Variants in SLC2A9 observed in about 807,000 individuals in gnomAD.
SLC2A9 encodes solute carrier family 2 member 9.
Under a neutral mutation model 50.6 loss-of-function variants are expected in SLC2A9, and 39 were observed. The ratio of observed to expected loss-of-function variants is 0.77; its 90% CI spans 0.60 to 1.01. SLC2A9 has a LOEUF of 1.01. Ranked by LOEUF, SLC2A9 falls within the 50% of genes least tolerant of loss-of-function variation. The pLI is 0.00. For synonymous variants in SLC2A9, 324 were observed against 276.9 expected, an observed-to-expected ratio of 1.17 and a Z score of -1.69; for missense variants, 686 against 677.6, an observed-to-expected ratio of 1.01 and a Z score of -0.14.
intron 8 of SLC2A9, among the ~76,000 whole-genome samples, chr4:9,899,000 CT>C (rs1739105473): frequency 2.3e-5 from 2 of 86,242 alleles, no homozygotes; most frequent in Non-Finnish European, 5.7e-5. Flanking sequence ...CTCCCTCCCC[CT>C]CTCTCTCTCT....
At chr4:10,003,625 C>G (rs895153121) in intron 2 of SLC2A9, among the ~76,000 whole-genome samples, 3 of 152,122 alleles carry the variant, frequency 2.0e-5, no homozygotes, top group African/African-American at 7.2e-5. Context: ...CAGCAATAGC[C>G]CAGGTGAAAG....
intron 10 of SLC2A9, 141 bp from the exon 11 acceptor site, chr4:9,835,149 G>T: frequency 8.7e-7 from 1 of 1,156,056 alleles, no homozygotes; most frequent in Non-Finnish European, 1.3e-6. Flanking sequence ...TTCCTGAGTC[G>T]CCCTGGTGGC....
downstream of SLC2A9, among the ~76,000 whole-genome samples, chr4:9,824,471 T>C (rs532844679): frequency 1.3e-5 from 2 of 152,300 alleles, no homozygotes; most frequent in South Asian, 2.1e-4. Flanking sequence ...GTGTTCCCCA[T>C]TCTATTTCTG....
intron 5 of SLC2A9, among the ~76,000 whole-genome samples, chr4:9,971,235 AATTT>A (rs1363576875): frequency 6.6e-6 from 1 of 152,136 alleles, no homozygotes; most frequent in African/African-American, 2.4e-5. Context: ...TAATTAATTT[AATTT>A]ATTTAATTTA....
chr4:9,857,045 C>A (rs1378681473), intron 10 of SLC2A9, among the ~76,000 whole-genome samples: 1 of 152,108 alleles, frequency 6.6e-6, no homozygotes, highest in Non-Finnish European at 1.5e-5. Context: ...ATCTGTATAT[C>A]AAACTCCTGT....
Position 9,980,700 on chromosome 4 carries a change from C to T in SLC2A9, c.573G>A (p.Glu191=). The part of the protein sequence containing the change: ...ALSVLPMYLS[E]ISPKEIRGSL... ...AGCCACGGATCTCCTTGGGTGAGATCTCACTAAGGTACATGGGGAGCACAC... is the reference window on the plus strand; with the variant it reads ...AGCCACGGATCTCCTTGGGTGAGATTTCACTAAGGTACATGGGGAGCACAC... The change falls in exon 5 of 12, where the codon GAG becomes GAA. Residue 191 remains glutamate (E), a synonymous_variant. Coordinates refer to ENST00000264784, the MANE Select transcript of SLC2A9 (RefSeq NM_020041.3). 6.2e-7 allele frequency: 1 copy of T among 1,614,152 alleles called. No individual in the cohort carries two copies. The highest frequency in any genetic ancestry group is 8.5e-7 in the Non-Finnish European group (1 of 1,180,022).
chr4:9,787,226 C>T (rs541065939), intron 3 of SLC2A9, among the ~76,000 whole-genome samples: 8 of 152,326 alleles, frequency 5.3e-5, no homozygotes, highest in African/African-American at 1.4e-4. Flanking sequence ...ATCCATACAC[C>T]ATATTCATTG....
chr4:9,867,505 AATG>A (rs1732681451), intron 10 of SLC2A9, among the ~76,000 whole-genome samples: 1 of 152,226 alleles, frequency 6.6e-6, no homozygotes, highest in Admixed American at 6.5e-5. Context: ...TAATGATGAT[AATG>A]ATGAAGAAGA....
chr4:9,943,409 G>A (rs1748547520), intron 5 of SLC2A9, among the ~76,000 whole-genome samples: 1 of 152,222 alleles, frequency 6.6e-6, no homozygotes, highest in African/African-American at 2.4e-5. Flanking sequence ...GAACTGGCAA[G>A]GCCAATGTCA....
chr4:9,995,131 C>CA (rs1415505628), intron 3 of SLC2A9, among the ~76,000 whole-genome samples: 1 of 152,160 alleles, frequency 6.6e-6, no homozygotes, highest in Admixed American at 6.5e-5. Context: ...CAGATGCCCT[C>CA]ACCTCTCTAA....
intron 5 of SLC2A9, among the ~76,000 whole-genome samples, chr4:9,972,751 A>T (rs1306152422): frequency 6.6e-6 from 1 of 152,246 alleles, no homozygotes; most frequent in Non-Finnish European, 1.5e-5. Context: ...AAATAAGTGA[A>T]AACAGAGACA....
chr4:9,820,177 G>A (rs574426883), intron 3 of SLC2A9, among the ~76,000 whole-genome samples: 69 of 152,254 alleles, frequency 4.5e-4, no homozygotes, highest in Middle Eastern at 6.8e-3. Context: ...TAAGGAGTGA[G>A]ATATAGGTTG....
intron 3 of SLC2A9, chr4:9,782,528 T>C (rs1718589624): frequency 1.2e-6 from 2 of 1,613,878 alleles, no homozygotes; most frequent in Non-Finnish European, 1.7e-6. Context: ...GGCATGGACC[T>C]TGTCCATCCT....
intron 1 of SLC2A9, among the ~76,000 whole-genome samples, chr4:10,032,283 T>G (rs1244902290): frequency 6.6e-6 from 1 of 151,950 alleles, no homozygotes; most frequent in East Asian, 1.9e-4. Flanking sequence ...CATCTGTAGA[T>G]GTGGGGTTGT....
chr4:9,779,906 C>T (rs1718103575), exon 4 of SLC2A9: 1 of 152,182 alleles, frequency 6.6e-6, no homozygotes, highest in African/African-American at 2.4e-5. Context: ...GACATCATGA[C>T]TTGGTGTTCT....
chr4:10,034,445 T>G (rs1023319633), intron 1 of SLC2A9: 5 of 152,268 alleles, frequency 3.3e-5, no homozygotes, highest in Non-Finnish European at 7.3e-5. Flanking sequence ...AGGGTTTGCC[T>G]TGGGAGATGG....
chr4:9,839,848 T>A (rs1362065763), intron 10 of SLC2A9, among the ~76,000 whole-genome samples: 1 of 151,936 alleles, frequency 6.6e-6, no homozygotes. Context: ...ACAGAGAGGA[T>A]CAGGAAAAAT....
rs191275227 is a variant in SLC2A9 at position 9,983,888 on chromosome 4, T to G, written c.535+1781A>C. Among the ~76,000 whole-genome samples, 295 of 152,314 alleles carry G rather than the reference T, an allele frequency of 1.9e-3. 2 individuals carry two copies. Among genetic ancestry groups the G allele is most frequent in the Middle Eastern group, 0.017 (5 of 294 alleles). ...GAAGCAAGTGAGAGCATTCAGGCAG[T>G]CTGACTCCATAGTCTTCACCCTTAA... is the stretch of plus-strand genomic sequence containing the variant. On this transcript the variant is annotated intron_variant, in intron 4 of 11. Transcript: ENST00000264784.
chr4:9,884,345 A>G (rs556026092), intron 10 of SLC2A9, among the ~76,000 whole-genome samples: 3 of 152,222 alleles, frequency 2.0e-5, no homozygotes, highest in African/African-American at 7.2e-5. Flanking sequence ...ATCATAGCTC[A>G]TTGTAACCTA....
Sources: gnomAD v4.1 joint callset for allele counts (sites outside exome capture counted in the v4.1 genomes callset) on GRCh38, gnomAD v4.1.1 for gene constraint, MANE v1.5 for transcripts, NCBI Gene and HGNC (gene_info 2026-07-23, HGNC 2026-07-21) for gene names.